The following PCCA variants were observed in gnomAD, a reference collection of about 807,000 sequenced individuals.
PCCA encodes the protein propionyl-CoA carboxylase subunit alpha.
Under a neutral mutation model 101.3 loss-of-function variants are expected in PCCA, and 74 were observed. The ratio of observed to expected loss-of-function variants is 0.73; its 90% CI spans 0.61 to 0.89. The LOEUF is 0.89. Ranked by LOEUF, PCCA falls within the 40% of genes least tolerant of loss-of-function variation. The probability of loss-of-function intolerance (pLI) is 0.00; values close to 1 mark genes in which losing one functional copy is unlikely to be tolerated. For synonymous variants in PCCA, 294 were observed against 313.6 expected (o/e 0.94, Z 0.66); for missense variants, 891 against 907.0 (o/e 0.98, Z 0.23).
chr13:100,260,399 T>TG (rs66947557), intron 9 of PCCA, among the ~76,000 whole-genome samples: 99,834 of 130,774 alleles, frequency 0.76, 38,713 homozygotes, highest in Middle Eastern at 0.9. Flanking sequence ...GTGTGTGTGT[T>TG]TTTTTTTTTT....
At chr13:100,483,109 T>C (rs1348749059) in intron 21 of PCCA, among the ~76,000 whole-genome samples, 1 of 152,102 alleles carries the variant, frequency 6.6e-6, no homozygotes, top group Non-Finnish European at 1.5e-5. Context: ...AATTCATCAC[T>C]TAAAAAAGGA....
intron 6 of PCCA, among the ~76,000 whole-genome samples, chr13:100,185,107 C>A (rs536882512): frequency 2.0e-5 from 3 of 152,302 alleles, no homozygotes; most frequent in South Asian, 4.2e-4. Flanking sequence ...ACCCTAGAAG[C>A]CCTTTGCATG....
intron 4 of PCCA, among the ~76,000 whole-genome samples, chr13:100,121,003 A>G (rs1021251726): frequency 2.6e-5 from 4 of 152,166 alleles, no homozygotes; most frequent in African/African-American, 9.7e-5. Flanking sequence ...GTTTCATACT[A>G]CTATAAGTGT....
At chr13:100,506,561 C>T (rs2086096461) in intron 21 of PCCA, among the ~76,000 whole-genome samples, 1 of 152,124 alleles carries the variant, frequency 6.6e-6, no homozygotes, top group Non-Finnish European at 1.5e-5. Context: ...TGAGTTTCTT[C>T]AGTGAATTCA....
chr13:100,226,608 C>A (rs536374619), intron 7 of PCCA, among the ~76,000 whole-genome samples: 1 of 152,302 alleles, frequency 6.6e-6, no homozygotes, highest in East Asian at 1.9e-4. Flanking sequence ...GTTCGTAGAT[C>A]GTCTGATCCA....
At chr13:100,342,276 T>G (rs560510416) in intron 18 of PCCA, among the ~76,000 whole-genome samples, 31 of 152,116 alleles carry the variant, frequency 2.0e-4, no homozygotes, top group African/African-American at 6.7e-4. Flanking sequence ...TTTGTTTTTG[T>G]TTTTTGAGAC....
chr13:100,256,335 T>G (rs1434032823), intron 8 of PCCA, among the ~76,000 whole-genome samples: 1 of 152,178 alleles, frequency 6.6e-6, no homozygotes, highest in African/African-American at 2.4e-5. Flanking sequence ...ACACTTTTCT[T>G]AATTATTTTT....
At chr13:100,168,847 C>A (rs963561930) in intron 6 of PCCA, among the ~76,000 whole-genome samples, 4 of 152,038 alleles carry the variant, frequency 2.6e-5, no homozygotes, top group African/African-American at 7.3e-5. Flanking sequence ...AGTGAGGGGA[C>A]CTTTCAAGAA....
chr13:100,262,263 C>T (rs893614174), intron 9 of PCCA, among the ~76,000 whole-genome samples: 3 of 151,930 alleles, frequency 2.0e-5, no homozygotes, highest in Non-Finnish European at 4.4e-5. Context: ...CGTGGTGGCA[C>T]ACACCTGTAT....
intron 19 of PCCA, among the ~76,000 whole-genome samples, chr13:100,376,832 TTC>T (rs2075939317): frequency 6.6e-6 from 1 of 152,146 alleles, no homozygotes; most frequent in Admixed American, 6.5e-5. Flanking sequence ...TTCGCTGGTG[TTC>T]CAGGCACCAC....
intron 6 of PCCA, among the ~76,000 whole-genome samples, chr13:100,180,195 A>C (rs1326351117): frequency 2.0e-5 from 3 of 152,166 alleles, no homozygotes; most frequent in Non-Finnish European, 4.4e-5. Flanking sequence ...CAGACTGAAG[A>C]ACTATGTGAT....
At chr13:100,257,011 A>G (rs1485968925) in intron 8 of PCCA, among the ~76,000 whole-genome samples, 4 of 152,316 alleles carry the variant, frequency 2.6e-5, no homozygotes, top group Non-Finnish European at 4.4e-5. Flanking sequence ...TGTACGGAAC[A>G]GTGGAATAGC....
Position 100,276,286 on chromosome 13 carries a change from A to G in PCCA, c.1065+2940A>G, listed in dbSNP as rs181795855. ...GGCCAGTATTTTTTTCAATTTATTGAAAATATTATTTCACTGTTTCTGGTG... is the reference window on the plus strand; with the variant it reads ...GGCCAGTATTTTTTTCAATTTATTGGAAATATTATTTCACTGTTTCTGGTG... On this transcript the variant is annotated intron_variant, in intron 12 of 23. Transcript: ENST00000376285. Among the ~76,000 whole-genome samples the G allele has an allele frequency of 1.2e-3, 177 of 149,264 alleles. 2 individuals carry two copies. Among genetic ancestry groups the G allele is most frequent in the Admixed American group, 5.4e-3 (81 of 14,916 alleles).
intron 19 of PCCA, among the ~76,000 whole-genome samples, chr13:100,383,376 C>T (rs907052744): frequency 6.6e-6 from 1 of 151,896 alleles, no homozygotes; most frequent in African/African-American, 2.4e-5. Flanking sequence ...CCTGTAATCC[C>T]AGCACATTGA....
chr13:100,264,086 C>T (rs868183761), intron 10 of PCCA, among the ~76,000 whole-genome samples: 70 of 135,352 alleles, frequency 5.2e-4, no homozygotes, highest in African/African-American at 1.8e-3. Flanking sequence ...CGTATATATA[C>T]GGTATCTGTA....
rs540335425 is a variant in PCCA at position 100,221,863 on chromosome 13, G to A, written c.600+12400G>A. On this transcript the variant is annotated intron_variant, in intron 7 of 23. Transcript: ENST00000376285. ...AGCAATTCTCCTGCCTCAGCCTCCC[G>A]AGTAATTGGGATTACAGACATGAAC... Among the ~76,000 whole-genome samples, 20 of 146,232 alleles carry A rather than the reference G, an allele frequency of 1.4e-4. No individual in the cohort carries two copies. The South Asian group carries it at 4.2e-3, about 31-fold the overall frequency.
chr13:100,458,052 C>T (rs749762160), intron 21 of PCCA, among the ~76,000 whole-genome samples: 8 of 152,172 alleles, frequency 5.3e-5, no homozygotes, highest in Non-Finnish European at 8.8e-5. Flanking sequence ...TATAGAACCC[C>T]ATGTCTGCTT....
chr13:100,527,835 A>G, intron 23 of PCCA, 83 bp downstream of exon 23: 1 of 1,044,012 alleles, frequency 9.6e-7, no homozygotes. Flanking sequence ...GTTTGGCTGG[A>G]AAGGGCCACA....
At chr13:100,235,772 A>G in intron 7 of PCCA, 70 bp from the exon 8 acceptor site, 1 of 984,944 alleles carries the variant, frequency 1.0e-6, no homozygotes, top group South Asian at 1.3e-5. Flanking sequence ...AGTGCAATAT[A>G]TGACTGCCCT....
Sources: gnomAD v4.1 joint callset for allele counts (sites outside exome capture counted in the v4.1 genomes callset) on GRCh38, gnomAD v4.1.1 for gene constraint, MANE v1.5 for transcripts, NCBI Gene and HGNC (gene_info 2026-07-23, HGNC 2026-07-21) for gene names.